LOC112694756: variants seen among roughly 807,000 people sequenced by gnomAD.
At chr16:30,062,223 G>T in the LOC112694756 span, among the ~76,000 whole-genome samples, 1 of 150,788 alleles carries the variant, frequency 6.6e-6, no homozygotes, top group South Asian at 2.1e-4. Context: ...CAAACAAATA[G>T]ATCTAATTCT....
the LOC112694756 span, chr16:30,067,371 G>A: frequency 1.8e-5 from 29 of 1,613,930 alleles, 1 homozygote; most frequent in Non-Finnish European, 1.8e-5. Context: ...CCACTGGTGC[G>A]GGCAGGAGAC....
chr16:30,061,435 A>T, the LOC112694756 span, among the ~76,000 whole-genome samples: 2 of 151,258 alleles, frequency 1.3e-5, no homozygotes, highest in African/African-American at 4.9e-5. Context: ...AGACCCAGAG[A>T]GAGGCTGATG....
At chr16:30,053,162 C>T in the LOC112694756 span, 1 of 152,402 alleles carries the variant, frequency 6.6e-6, no homozygotes, top group Admixed American at 6.5e-5. Flanking sequence ...GTCCCTCGGA[C>T]GATTGGACCT....
At chr16:30,066,972 C>T in the LOC112694756 span, 21 of 1,554,214 alleles carry the variant, frequency 1.4e-5, no homozygotes, top group South Asian at 2.4e-5. Flanking sequence ...TTTCCTTTCC[C>T]CCAGTTGCCA....
At chr16:30,065,577 T>A in the LOC112694756 span, 1 of 150,370 alleles carries the variant, frequency 6.7e-6, no homozygotes, top group African/African-American at 2.5e-5. Flanking sequence ...CCGAGGGGGG[T>A]GGGGAGGGAT....
the LOC112694756 span, chr16:30,059,053 G>C: frequency 3.0e-5 from 12 of 398,526 alleles, no homozygotes; most frequent in Admixed American, 5.3e-4. Context: ...ATCAGAAGCA[G>C]GTATAGGACT....
the LOC112694756 span, chr16:30,063,592 TC>T: frequency 5.0e-6 from 2 of 397,934 alleles, no homozygotes; most frequent in Non-Finnish European, 8.8e-6. Flanking sequence ...ATTGCACTGT[TC>T]CTGGGAATGA....
the LOC112694756 span, chr16:30,069,519 G>T: frequency 6.2e-6 from 10 of 1,614,098 alleles, no homozygotes; most frequent in Non-Finnish European, 8.5e-6. Flanking sequence ...CTGTCTACAA[G>T]GCTCTGAGTG....
At chr16:30,063,912 C>T in the LOC112694756 span, 2 of 399,116 alleles carry the variant, frequency 5.0e-6, no homozygotes, top group Non-Finnish European at 8.8e-6. Flanking sequence ...CCCTGAAGAG[C>T]CTTTCCCCAC....
chr16:30,059,438 G>T, the LOC112694756 span, among the ~76,000 whole-genome samples: 28 of 151,866 alleles, frequency 1.8e-4, no homozygotes, highest in Admixed American at 3.9e-4. Context: ...GGCGGACCTT[G>T]CAGTGAGCCG....
the LOC112694756 span, among the ~76,000 whole-genome samples, chr16:30,056,976 T>C: frequency 6.8e-6 from 1 of 147,256 alleles, no homozygotes; most frequent in Non-Finnish European, 1.5e-5. Context: ...AATGGTGCAA[T>C]CTCGGCTCAC....
the LOC112694756 span, among the ~76,000 whole-genome samples, chr16:30,059,447 C>T: frequency 8.1e-4 from 122 of 151,532 alleles, no homozygotes; most frequent in Non-Finnish European, 1.3e-3. Context: ...TGCAGTGAGC[C>T]GAGATCGTGC....
the LOC112694756 span, chr16:30,063,834 C>G: frequency 5.0e-6 from 2 of 399,150 alleles, no homozygotes; most frequent in African/African-American, 4.1e-5. Context: ...CGAGATCAAG[C>G]TCCGATGAGG....
chr16:30,055,746 T>C, the LOC112694756 span, among the ~76,000 whole-genome samples: 3 of 152,274 alleles, frequency 2.0e-5, no homozygotes, highest in Non-Finnish European at 2.9e-5. Context: ...TTGTTTTTTT[T>C]TCTTTCCTCC....
the LOC112694756 span, chr16:30,067,026 A>G: frequency 6.3e-7 from 1 of 1,576,592 alleles, no homozygotes; most frequent in Admixed American, 1.8e-5. Context: ...AGCACCAGAC[A>G]GAGTTAGGAA....
At chr16:30,070,361 T>A in the LOC112694756 span, 2 of 723,416 alleles carry the variant, frequency 2.8e-6, no homozygotes, top group Non-Finnish European at 2.4e-6. Context: ...CTGTGAATGC[T>A]AAGTCCATCA....
At chr16:30,069,665 C>T in the LOC112694756 span, 1 of 1,613,640 alleles carries the variant, frequency 6.2e-7, no homozygotes, top group Non-Finnish European at 8.5e-7. Flanking sequence ...GTGCCCCCCG[C>T]TGTCACTGGT....
At chr16:30,055,951 A>C in the LOC112694756 span, among the ~76,000 whole-genome samples, 1 of 151,904 alleles carries the variant, frequency 6.6e-6, no homozygotes, top group Non-Finnish European at 1.5e-5. Flanking sequence ...AGGCTCACAC[A>C]ACTACCATAT....
chr16:30,055,792 CTCT>C, the LOC112694756 span, among the ~76,000 whole-genome samples: 1 of 151,660 alleles, frequency 6.6e-6, no homozygotes, highest in Non-Finnish European at 1.5e-5. Flanking sequence ...CTCCCCTCCC[CTCT>C]TCTTTTCTTT....
Sources: gnomAD v4.1 joint callset for allele counts (sites outside exome capture counted in the v4.1 genomes callset) on GRCh38, gnomAD v4.1.1 for gene constraint, MANE v1.5 for transcripts.